The following SCN11A variants were observed in gnomAD, a reference collection of about 807,000 sequenced individuals.
SCN11A encodes the protein sodium voltage-gated channel alpha subunit 11, also known as sodium channel protein type 11 subunit alpha.
A neutral mutation model predicts 162.2 loss-of-function variants in SCN11A; 122 were observed. That is an observed-to-expected ratio of 0.75 (90% confidence interval 0.65 to 0.87). The LOEUF (loss-of-function observed/expected upper bound fraction) is 0.87. SCN11A is among the 40% of genes least tolerant of loss of function. The probability of loss-of-function intolerance (pLI) is 0.00; values close to 1 mark genes in which losing one functional copy is unlikely to be tolerated. For synonymous variants in SCN11A, 758 were observed against 751.5 expected, an observed-to-expected ratio of 1.01 and a Z score of -0.14; for missense variants, 2,015 against 2,181.6, an observed-to-expected ratio of 0.92 and a Z score of 1.52.
At chr3:38,947,367 T>A (rs575229565) in intron 5 of SCN11A, among the ~76,000 whole-genome samples, 33 of 152,338 alleles carry the variant, frequency 2.2e-4, no homozygotes, top group African/African-American at 7.9e-4. Context: ...ATTCTAACCT[T>A]GATGATCTTC....
chr3:38,919,843 G>A (rs2066016553), intron 11 of SCN11A, 92 bp downstream of exon 11: 1 of 846,736 alleles, frequency 1.2e-6, no homozygotes, highest in Non-Finnish European at 2.0e-6. Context: ...TATCATCACT[G>A]TGTCCACCAG....
intron 9 of SCN11A, among the ~76,000 whole-genome samples, chr3:38,925,015 T>C (rs2066115491): frequency 6.6e-6 from 1 of 152,138 alleles, no homozygotes; most frequent in African/African-American, 2.4e-5. Context: ...GTGATCACTC[T>C]GTTTAAAACT....
chr3:39,025,809 TG>T (rs1304214914), intron 2 of SCN11A, among the ~76,000 whole-genome samples: 1 of 152,218 alleles, frequency 6.6e-6, no homozygotes, highest in African/African-American at 2.4e-5. Flanking sequence ...CTTAACCTCC[TG>T]GGAGTGCAGC....
chr3:39,046,515 T>G (rs766944439), intron 1 of SCN11A, among the ~76,000 whole-genome samples: 3 of 151,842 alleles, frequency 2.0e-5, no homozygotes, highest in Non-Finnish European at 4.4e-5. Context: ...GAAAAAATAA[T>G]CCTAAAATTC....
intron 7 of SCN11A, among the ~76,000 whole-genome samples, chr3:38,940,087 A>C (rs139052032): frequency 0.013 from 1,911 of 150,806 alleles, 39 homozygotes; most frequent in African/African-American, 0.043. Flanking sequence ...GTTTTATATA[A>C]CAAGGCAACT....
At chr3:39,011,903 T>C (rs2031148417) in intron 2 of SCN11A, among the ~76,000 whole-genome samples, 1 of 152,174 alleles carries the variant, frequency 6.6e-6, no homozygotes, top group Non-Finnish European at 1.5e-5. Flanking sequence ...AATAATATTC[T>C]GAATTACAAA....
At chr3:39,034,861 C>T (rs2031863311) in intron 1 of SCN11A, among the ~76,000 whole-genome samples, 1 of 151,844 alleles carries the variant, frequency 6.6e-6, no homozygotes, top group African/African-American at 2.4e-5. Flanking sequence ...AACAACAAAT[C>T]AAATAAAAAC....
At chr3:38,859,038 G>C (rs2064919715) in intron 28 of SCN11A, among the ~76,000 whole-genome samples, 1 of 151,968 alleles carries the variant, frequency 6.6e-6, no homozygotes, top group African/African-American at 2.4e-5. Context: ...TAAGAGGAAA[G>C]TTTGTAGCAT....
intron 28 of SCN11A, among the ~76,000 whole-genome samples, chr3:38,859,623 C>T (rs1575214288): frequency 6.6e-6 from 1 of 152,080 alleles, no homozygotes; most frequent in African/African-American, 2.4e-5. Context: ...ACTTATGGAA[C>T]CGCATTTGCA....
intron 7 of SCN11A, among the ~76,000 whole-genome samples, chr3:38,943,728 T>C (rs1381777199): frequency 6.6e-6 from 1 of 152,106 alleles, no homozygotes; most frequent in East Asian, 1.9e-4. Context: ...AATCAAATAT[T>C]TCATGTTGTC....
chr3:39,004,507 CT>C (rs926733887), intron 2 of SCN11A, among the ~76,000 whole-genome samples: 4 of 152,046 alleles, frequency 2.6e-5, no homozygotes, highest in African/African-American at 9.7e-5. Flanking sequence ...TATTTGGGCT[CT>C]TTTTTTATTC....
chr3:38,959,394 GTTC>G (rs770319980), intron 3 of SCN11A, among the ~76,000 whole-genome samples: 24 of 152,182 alleles, frequency 1.6e-4, no homozygotes, highest in Non-Finnish European at 2.6e-4. Flanking sequence ...TACGTGCCTA[GTTC>G]TTCTTACTTA....
At chr3:38,943,134 GA>G (rs200882109) in intron 7 of SCN11A, among the ~76,000 whole-genome samples, 81 of 145,450 alleles carry the variant, frequency 5.6e-4, no homozygotes, top group Middle Eastern at 3.6e-3. Context: ...GCAACAAAAA[GA>G]AAAAAAAAAT....
chr3:39,017,444 C>A lies in SCN11A; in HGVS notation c.-280+14936G>T, dbSNP rs144307549. Among the ~76,000 whole-genome samples the A allele has an allele frequency of 9.8e-5, 15 of 152,338 alleles. No individual in the cohort carries two copies. The East Asian group carries it at 1.5e-3, about 16-fold the overall frequency. On this transcript the variant is annotated intron_variant, in intron 2 of 29. Transcript: ENST00000302328. ...TTGCTTTTCTGTAATGCCTTTTATT[C>A]TCTCTGGCTGCTTTTAAGAGCTTCT...
chr3:38,943,001 A>G (rs576884895), intron 7 of SCN11A, among the ~76,000 whole-genome samples: 1 of 152,298 alleles, frequency 6.6e-6, no homozygotes, highest in South Asian at 2.1e-4. Context: ...AATATCCACA[A>G]AAGATTTTTA....
At chr3:38,887,644 A>G (rs1454543038) in intron 19 of SCN11A, among the ~76,000 whole-genome samples, 1 of 152,228 alleles carries the variant, frequency 6.6e-6, no homozygotes, top group African/African-American at 2.4e-5. Flanking sequence ...CATTCCTTCC[A>G]CAAATTGAAG....
intron 28 of SCN11A, among the ~76,000 whole-genome samples, chr3:38,856,315 G>A (rs4616581): frequency 1.3e-5 from 2 of 152,054 alleles, no homozygotes; most frequent in Admixed American, 1.3e-4. Flanking sequence ...AATCCAGGGT[G>A]AGTGCGGCCC....
chr3:38,927,050 T>C, intron 7 of SCN11A, 119 bp from the exon 8 acceptor site: 1 of 978,958 alleles, frequency 1.0e-6, no homozygotes, highest in Non-Finnish European at 1.5e-6. Flanking sequence ...TTTAACATTC[T>C]GGTCTTCAGC....
chr3:38,934,174 TGAGA>T (rs1272687148), intron 7 of SCN11A, among the ~76,000 whole-genome samples: 1 of 152,222 alleles, frequency 6.6e-6, no homozygotes, highest in Admixed American at 6.5e-5. Context: ...AAGCAAATGC[TGAGA>T]GATTTTGTCG....
Sources: allele counts gnomAD v4.1 joint callset (sites outside exome capture counted in the v4.1 genomes callset), GRCh38; gene constraint gnomAD v4.1.1; transcripts MANE v1.5; gene names NCBI Gene and HGNC (gene_info 2026-07-23, HGNC 2026-07-21).